ZNF619: variants seen among roughly 807,000 people sequenced by gnomAD.
ZNF619 encodes the protein zinc finger protein 619.
Under a neutral mutation model 14.2 loss-of-function variants are expected in ZNF619, and 9 were observed. The observed-to-expected ratio is 0.64, with a 90% CI of 0.38 to 1.11. The LOEUF (loss-of-function observed/expected upper bound fraction) is 1.11, where lower values mean the gene tolerates loss of function less well. ZNF619 is among the 50% of genes least tolerant of loss of function. The pLI is 0.01. For synonymous variants in ZNF619, 246 were observed against 252.8 expected, an observed-to-expected ratio of 0.97 and a Z score of 0.26; for missense variants, 659 against 680.1, an observed-to-expected ratio of 0.97 and a Z score of 0.34.
At position 40,482,663 on chromosome 3, in the gene ZNF619, G is replaced by A. The variant is rs1459704766; in HGVS notation, c.254G>A (p.Trp85Ter). The A allele has an allele frequency of 6.2e-7, 1 of 1,614,126 alleles. No individual in the cohort carries two copies. Among genetic ancestry groups the A allele is most frequent in the Non-Finnish European group, 8.5e-7 (1 of 1,180,012 alleles). Residue 85 changes from tryptophan to a stop codon, truncating the protein, a stop_gained, in exon 4 of 5, where the codon TGG becomes TAG. Transcript: ENST00000432264. LOFTEE classifies it low-confidence loss of function (END_TRUNC). ...GAAGCAGCATGGGGCCCAGATCCCT[G>A]GACACTTGCTGGGGGAGAGGCCCTG... ...QGEAAWGPDP[W>*]TLAGGEALRG...
chr3:40,480,810 A>G (rs1697366531), intron 2 of ZNF619, among the ~76,000 whole-genome samples: 1 of 152,124 alleles, frequency 6.6e-6, no homozygotes, highest in Admixed American at 6.6e-5. Flanking sequence ...CAAATCTTCT[A>G]GTACTTCTAT....
intron 1 of ZNF619, 35 bp from the exon 2 acceptor site, chr3:40,477,883 C>A: frequency 2.5e-6 from 3 of 1,201,048 alleles, no homozygotes; most frequent in South Asian, 1.3e-5. Flanking sequence ...GTGTAGGAGA[C>A]GAGACAGATC....
chr3:40,482,141 C>T, intron 3 of ZNF619, 125 bp downstream of exon 3: 1 of 1,548,740 alleles, frequency 6.5e-7, no homozygotes, highest in Admixed American at 2.0e-5. Flanking sequence ...GCTCCCTAAT[C>T]CCCAGTGCCA....
chr3:40,485,811 G>A (rs1265320710), intron 4 of ZNF619, among the ~76,000 whole-genome samples: 1 of 152,190 alleles, frequency 6.6e-6, no homozygotes, highest in African/African-American at 2.4e-5. Flanking sequence ...GGTGCTACCA[G>A]TGAAAGCATG....
intron 4 of ZNF619, among the ~76,000 whole-genome samples, chr3:40,485,831 C>T (rs1229906332): frequency 6.6e-6 from 1 of 152,076 alleles, no homozygotes; most frequent in Non-Finnish European, 1.5e-5. Flanking sequence ...GATCCCCATA[C>T]CCCCGCTCCA....
chr3:40,483,709 A>C (rs1393356952), intron 4 of ZNF619: 1 of 440,538 alleles, frequency 2.3e-6, no homozygotes, highest in East Asian at 7.7e-5. Context: ...ACTCACCGCA[A>C]CCTCTGCCTT....
Position 40,487,443 on chromosome 3 carries a change from TG to T in ZNF619, c.937del (p.Glu313ArgfsTer41). On this transcript the variant is annotated frameshift_variant, in exon 5 of 5. Coordinates refer to ENST00000432264, the MANE Select transcript of ZNF619 (RefSeq NM_001145093.4). LOFTEE classifies it low-confidence loss of function (END_TRUNC). ...TGATTCGGCATCAGAGAATCCATAC[TG>T]GGGAGAAGCCCTTTAAATGTAAGGA... ...KLIRHQRIHT[G>X]EKPFKCKECG... 6.2e-7 allele frequency: 1 copy of T among 1,614,232 alleles called. No individual in the cohort carries two copies. Among genetic ancestry groups the T allele is most frequent in the Non-Finnish European group, 8.5e-7 (1 of 1,180,050 alleles).
Position 40,488,023 on chromosome 3 carries a change from C to G in ZNF619, c.1513C>G (p.Pro505Ala), listed in dbSNP as rs781518722. The change falls in exon 5 of 5, where the codon CCT (proline) becomes GCT (alanine). Residue 505 changes from proline to alanine, a missense_variant. Transcript: ENST00000432264. ...TCCCTGCGCCATCCTCTCTCCTCTG[C>G]CTCCCCAACATACCTGCTCTGCCCT... is the stretch of plus-strand genomic sequence containing the variant. ...YCPCAILSPL[P>A]PQHTCSALAP... 2 of 1,614,164 alleles carry G rather than the reference C, an allele frequency of 1.2e-6. No individual in the cohort carries two copies. The highest frequency in any genetic ancestry group is 2.7e-5 in the African/African-American group (2 of 75,060).
In ZNF619 at chr3:40,488,017, C is replaced by G; in HGVS notation, c.1507C>G (p.Pro503Ala). ...KPYCPCAILS[P>A]LPPQHTCSAL... ...CTACTGTCCCTGCGCCATCCTCTCTCCTCTGCCTCCCCAACATACCTGCTC... is the reference window on the plus strand; with the variant it reads ...CTACTGTCCCTGCGCCATCCTCTCTGCTCTGCCTCCCCAACATACCTGCTC... Residue 503 changes from proline to alanine, a missense_variant, in exon 5 of 5, where the codon CCT becomes GCT. Transcript: ENST00000432264. 1 of 1,614,124 alleles carries G rather than the reference C, an allele frequency of 6.2e-7. No individual in the cohort carries two copies. The highest frequency in any genetic ancestry group is 8.5e-7 in the Non-Finnish European group (1 of 1,179,958).
At position 40,490,145 on chromosome 3, in the gene ZNF619, C is replaced by T. The variant is rs1697762610; in HGVS notation, c.*1904C>T. ...TGCCTCCTGCCATGTCATGATGCAGCAAGTAAGCCCTTACCAGATGCCTGC... is the reference window on the plus strand; with the variant it reads ...TGCCTCCTGCCATGTCATGATGCAGTAAGTAAGCCCTTACCAGATGCCTGC... On this transcript the variant is annotated 3_prime_UTR_variant, in exon 5 of 5. Transcript: ENST00000432264. 1 of 152,176 alleles carries T rather than the reference C, an allele frequency of 6.6e-6. No homozygotes were observed. The allele number at this position is 152,176 out of a possible 1,614,324, so 9.4% of individuals were successfully genotyped here.
chr3:40,483,344 G>A (rs779610207), intron 4 of ZNF619, among the ~76,000 whole-genome samples: 23 of 150,056 alleles, frequency 1.5e-4, no homozygotes, highest in Non-Finnish European at 2.8e-4. Flanking sequence ...AGGCTGGAGT[G>A]CAGTGGCGCA....
At chr3:40,480,540 C>T (rs1484171782) in intron 2 of ZNF619, among the ~76,000 whole-genome samples, 1 of 148,408 alleles carries the variant, frequency 6.7e-6, no homozygotes, top group Non-Finnish European at 1.5e-5. Flanking sequence ...GCTCTGTCGC[C>T]CAGGCTGGGG....
chr3:40,479,236 A>G (rs1697303746), intron 2 of ZNF619, among the ~76,000 whole-genome samples: 1 of 152,114 alleles, frequency 6.6e-6, no homozygotes, highest in Non-Finnish European at 1.5e-5. Context: ...TCTTTTAGGA[A>G]CCTTCCCATA....
chr3:40,479,989 G>A (rs1328888186), intron 2 of ZNF619, among the ~76,000 whole-genome samples: 1 of 152,144 alleles, frequency 6.6e-6, no homozygotes, highest in Non-Finnish European at 1.5e-5. Context: ...CCCACTTAAT[G>A]GAGAAAGAGT....
In ZNF619 at chr3:40,477,134, G is replaced by C. The variant is rs903751362; in HGVS notation, c.-286G>C. On this transcript the variant is annotated 5_prime_UTR_variant, in exon 1 of 5. Transcript: ENST00000432264. ...TCCTAGAGAGGCTGTAGGGACCGAC[G>C]GCCGGCCAGCTAATGCTTCCGTCTT... 1 of 152,274 alleles carries C rather than the reference G, an allele frequency of 6.6e-6. No homozygotes were observed. The highest frequency in any genetic ancestry group is 6.5e-5 in the Admixed American group (1 of 15,284). 9.4% of individuals were successfully genotyped at this position (152,274 alleles called of 1,614,324 possible). A position where few individuals can be genotyped will look rare whatever the true frequency, so the allele number is the denominator to read the frequency against.
intron 4 of ZNF619, among the ~76,000 whole-genome samples, chr3:40,483,019 G>A (rs1423424220): frequency 2.0e-5 from 3 of 152,078 alleles, no homozygotes; most frequent in South Asian, 4.1e-4. Flanking sequence ...AGACCAGCCC[G>A]AACAACATAG....
chr3:40,488,333 T>C lies in ZNF619; in HGVS notation c.*92T>C. ...CTATTGATATTCCTCTGGTCTTGTC[T>C]TGTATAAGTTGTTACTGTTTTCCTA... On this transcript the variant is annotated 3_prime_UTR_variant, in exon 5 of 5. Transcript: ENST00000432264. The C allele has an allele frequency of 1.4e-6, 1 of 702,440 alleles. No individual in the cohort carries two copies. Among genetic ancestry groups the C allele is most frequent in the Non-Finnish European group, 2.5e-6 (1 of 399,428 alleles). The allele number at this position is 702,440 out of a possible 1,614,324, so 43.5% of individuals were successfully genotyped here. A position where few individuals can be genotyped will look rare whatever the true frequency, so the allele number is the denominator to read the frequency against.
In ZNF619 at chr3:40,477,172, A is replaced by G. The variant is rs1335628006; in HGVS notation, c.-248A>G. ...ATGCTTCCGTCTTGGCCACCTTGCG[A>G]GCGCTCGGGTTGAGTTTCCCGGGCT... On this transcript the variant is annotated 5_prime_UTR_variant, in exon 1 of 5. Transcript: ENST00000432264. The G allele has an allele frequency of 6.6e-6, 1 of 152,268 alleles. No homozygotes were observed. Among genetic ancestry groups the G allele is most frequent in the African/African-American group, 2.4e-5 (1 of 41,432 alleles). The allele number at this position is 152,268 out of a possible 1,614,324, so 9.4% of individuals were successfully genotyped here.
rs1697450705 is a variant in ZNF619 at position 40,482,791 on chromosome 3, C to T, written c.295+87C>T. On this transcript the variant is annotated intron_variant, in intron 4 of 4. Coordinates refer to ENST00000432264, the MANE Select transcript of ZNF619 (RefSeq NM_001145093.4). ...TAGCATGAAAAAGGTTTTTCCTTGT[C>T]ATATGATGGTTGTGGGGATTAAAAT... 6.0e-6 allele frequency: 6 copies of T among 1,003,764 alleles called. No homozygotes were observed. In the East Asian group the frequency reaches 1.4e-4, roughly 24 times the overall value. 62.2% of individuals were successfully genotyped at this position (1,003,764 alleles called of 1,614,324 possible). A position where few individuals can be genotyped will look rare whatever the true frequency, so the allele number is the denominator to read the frequency against.
Sources: allele counts gnomAD v4.1 joint callset (sites outside exome capture counted in the v4.1 genomes callset), GRCh38; gene constraint gnomAD v4.1.1; transcripts MANE v1.5; gene names NCBI Gene and HGNC (gene_info 2026-07-23, HGNC 2026-07-21).